Variants in DIAPH3 observed in about 807,000 individuals in gnomAD.
DIAPH3 encodes protein diaphanous homolog 3.
A neutral mutation model predicts 144.3 loss-of-function variants in DIAPH3; 117 were observed. That is an observed-to-expected ratio of 0.81 (90% CI 0.70 to 0.95). The LOEUF is 0.95. DIAPH3 is among the 40% of genes least tolerant of loss of function. The pLI is 0.00. For missense variants in DIAPH3, 1,421 were observed against 1,412.7 expected (o/e 1.01, Z -0.09); for synonymous variants, 519 against 488.9 (o/e 1.06, Z -0.81).
At chr13:59,898,163 GA>G (rs796364229) in intron 20 of DIAPH3, among the ~76,000 whole-genome samples, 9 of 131,836 alleles carry the variant, frequency 6.8e-5, no homozygotes, top group South Asian at 5.7e-4. Flanking sequence ...AAAAGAAAAA[GA>G]AAAAAGAAAA....
chr13:59,981,922 CTAATT>C (rs2051045156), intron 13 of DIAPH3, among the ~76,000 whole-genome samples: 1 of 151,224 alleles, frequency 6.6e-6, no homozygotes, highest in South Asian at 2.1e-4. Context: ...TTCTCTAATC[CTAATT>C]TTTGATATTT....
At position 59,902,391 on chromosome 13, in the gene DIAPH3, A is replaced by G. The variant is rs994634606; in HGVS notation, c.2367+9344T>C. ...GCCTGTTTCCCCTACACCTTCCACC[A>G]TGATCATAAGTCTCCTGAGGCTTTC... On this transcript the variant is annotated intron_variant, in intron 20 of 27. Coordinates refer to ENST00000400324, the MANE Select transcript of DIAPH3 (RefSeq NM_001042517.2). Among the ~76,000 whole-genome samples, 10 of 152,198 alleles carry G rather than the reference A, an allele frequency of 6.6e-5. 1 individual carries two copies. The highest frequency in any genetic ancestry group is 5.9e-4 in the Admixed American group (9 of 15,282).
intron 9 of DIAPH3, among the ~76,000 whole-genome samples, chr13:60,002,186 G>T (rs2052563126): frequency 6.6e-6 from 1 of 152,182 alleles, no homozygotes; most frequent in African/African-American, 2.4e-5. Context: ...TATGGGATTT[G>T]TTCAGCTGAC....
At chr13:59,916,122 A>T in intron 19 of DIAPH3, 33 bp downstream of exon 19, 1 of 1,554,970 alleles carries the variant, frequency 6.4e-7, no homozygotes, top group Non-Finnish European at 8.9e-7. Flanking sequence ...TTGCAATGAA[A>T]TATTGAAATT....
At chr13:60,156,935 ATATATTTTTTTTTTTT>A (rs1453890829) in intron 1 of DIAPH3, among the ~76,000 whole-genome samples, 2 of 52,490 alleles carry the variant, frequency 3.8e-5, no homozygotes, top group African/African-American at 1.7e-4. Flanking sequence ...ATATATATAT[ATATATTTTTTTTTTTT>A]TTTTTTTTGA....
chr13:59,723,459 TTG>T lies in DIAPH3; in HGVS notation c.3319+50728_3319+50729del, dbSNP rs138939614. ...AGTGGAAACCTAATTTAACTATATA[TTG>T]TGTGTGTGTGTGTATGTGTGTGCGT... On this transcript the variant is annotated intron_variant, in intron 27 of 27. Coordinates refer to ENST00000400324, the MANE Select transcript of DIAPH3 (RefSeq NM_001042517.2). Among the ~76,000 whole-genome samples the T allele has an allele frequency of 4.5e-3, 676 of 151,494 alleles. 2 individuals are homozygous for T. Among genetic ancestry groups the T allele is most frequent in the Non-Finnish European group, 7.6e-3 (518 of 67,772 alleles).
chr13:60,026,286 C>G (rs1292559246), intron 5 of DIAPH3, among the ~76,000 whole-genome samples: 2 of 151,920 alleles, frequency 1.3e-5, no homozygotes, highest in African/African-American at 4.8e-5. Context: ...GAAAGGGGTA[C>G]TTTTTCTATG....
rs1260841475 is a variant in DIAPH3, at chr13:59,974,459, GA to G, written c.1546-4del. On this transcript the variant is annotated splice_polypyrimidine_tract_variant and splice_region_variant and intron_variant, in intron 14 of 27. Coordinates refer to ENST00000400324, the MANE Select transcript of DIAPH3 (RefSeq NM_001042517.2). ...TGGTCGGTAAACTCTTTTTCAAACT[GA>G]AACAAATTAAAAATAATAACAAAAA... 2 of 1,605,046 alleles carry G rather than the reference GA, an allele frequency of 1.2e-6. No homozygotes were observed. Among genetic ancestry groups the G allele is most frequent in the Admixed American group, 3.3e-5 (2 of 59,790 alleles).
rs1031683373 is a variant in DIAPH3, at chr13:60,082,408, T to A, written c.495+11220A>T. Among the ~76,000 whole-genome samples, 3 of 149,442 alleles carry A rather than the reference T, an allele frequency of 2.0e-5. No individual in the cohort carries two copies. In the South Asian group the frequency reaches 6.3e-4, roughly 32 times the overall value. On this transcript the variant is annotated intron_variant, in intron 4 of 27. Coordinates refer to ENST00000400324, the MANE Select transcript of DIAPH3 (RefSeq NM_001042517.2). ...CACATCAGTGAAAAAAAAAGAAATT[T>A]AAGAAAAAAAGAAAAAGAGCATACT...
At chr13:60,005,606 G>C (rs999497229) in intron 9 of DIAPH3, among the ~76,000 whole-genome samples, 5 of 151,880 alleles carry the variant, frequency 3.3e-5, no homozygotes, top group Admixed American at 2.0e-4. Context: ...TCAGCTTCCC[G>C]AGTAGCTGGG....
chr13:60,060,996 C>G (rs779570413), intron 4 of DIAPH3, among the ~76,000 whole-genome samples: 7 of 152,042 alleles, frequency 4.6e-5, no homozygotes, highest in Non-Finnish European at 8.8e-5. Context: ...AGGTGCTCAT[C>G]ATTAGCTGAG....
At chr13:59,968,637 T>C (rs2050187928) in intron 17 of DIAPH3, among the ~76,000 whole-genome samples, 1 of 152,218 alleles carries the variant, frequency 6.6e-6, no homozygotes, top group South Asian at 2.1e-4. Context: ...ATCTGTTAAC[T>C]GTTTTTATCA....
At position 60,015,940 on chromosome 13, in the gene DIAPH3, C is replaced by G; in HGVS notation, c.744G>C (p.Gln248His). 11 of 1,613,300 alleles carry G rather than the reference C, an allele frequency of 6.8e-6. No homozygotes were observed. The highest frequency in any genetic ancestry group is 9.3e-6 in the Non-Finnish European group (11 of 1,179,762). Residue 248 changes from glutamine to histidine, a missense_variant, in exon 7 of 28, where the codon CAG becomes CAC. Physicochemically the swap from Gln to His is conservative, Grantham distance 24. Transcript: ENST00000400324. ...GCGTATTCATCAGGGCTTTTAGACA[C>G]TGTATGACTTTATGTTGATTTTTCT... ...VVKKNQHKVI[Q>H]CLKALMNTQY...
chr13:60,148,911 T>C (rs147366763), intron 1 of DIAPH3, among the ~76,000 whole-genome samples: 1,746 of 152,312 alleles, frequency 0.011, 19 homozygotes, highest in Non-Finnish European at 0.017. Context: ...CCAGACTGAA[T>C]ATAAACCTCT....
intron 14 of DIAPH3, among the ~76,000 whole-genome samples, chr13:59,976,699 C>T (rs2050698005): frequency 6.6e-6 from 1 of 151,558 alleles, no homozygotes; most frequent in Non-Finnish European, 1.5e-5. Context: ...GGACTCTTTC[C>T]TCACCCTCCT....
At chr13:59,838,407 T>C (rs2042155011) in intron 23 of DIAPH3, 1 of 152,134 alleles carries the variant, frequency 6.6e-6, no homozygotes, top group African/African-American at 2.4e-5. Context: ...TGTGTGTGTG[T>C]GTGTGTGTGT....
chr13:60,001,860 T>A lies in DIAPH3; in HGVS notation c.1014+6684A>T, dbSNP rs376938492. On this transcript the variant is annotated intron_variant, in intron 9 of 27. Transcript: ENST00000400324. ...AGCTTCCTGGAGAAAAAAACTGACT[T>A]ACTATGTGTACTCTGCAGGCAGTTA... is the stretch of plus-strand genomic sequence containing the variant. Among the ~76,000 whole-genome samples, 32 of 152,274 alleles carry A rather than the reference T, an allele frequency of 2.1e-4. 1 individual carries two copies. The highest frequency in any genetic ancestry group is 7.2e-4 in the African/African-American group (30 of 41,540).
chr13:59,983,799 T>G lies in DIAPH3; in HGVS notation c.1450A>C (p.Arg484=). Residue 484 remains arginine, a synonymous_variant, in exon 13 of 28, where the codon AGA becomes CGA. Transcript: ENST00000400324. ...AACTGGGTTAAATCTAAATCTAGTCTTTTTCGATATGTGAAGTCTGGATCC... is the reference window on the plus strand; with the variant it reads ...AACTGGGTTAAATCTAAATCTAGTCGTTTTCGATATGTGAAGTCTGGATCC... ...GMDPDFTYRK[R]LDLDLTQFVD... is the part of the protein sequence containing the mutation. 6.2e-7 allele frequency: 1 copy of G among 1,607,862 alleles called. No homozygotes were observed. Among genetic ancestry groups the G allele is most frequent in the South Asian group, 1.1e-5 (1 of 90,882 alleles).
chr13:59,835,160 A>G (rs79576197), intron 23 of DIAPH3, among the ~76,000 whole-genome samples: 4,738 of 151,882 alleles, frequency 0.031, 264 homozygotes, highest in African/African-American at 0.11. Context: ...TATGTGTCTA[A>G]TATATTTCAT....
Sources: gnomAD v4.1 joint callset for allele counts (sites outside exome capture counted in the v4.1 genomes callset) on GRCh38, gnomAD v4.1.1 for gene constraint, MANE v1.5 for transcripts, NCBI Gene and HGNC (gene_info 2026-07-23, HGNC 2026-07-21) for gene names.